STK32B: variants seen among roughly 807,000 people sequenced by gnomAD.
STK32B encodes serine/threonine kinase 32B, also known as serine/threonine-protein kinase 32B.
A neutral mutation model predicts 52.6 loss-of-function variants in STK32B; 43 were observed. That is an observed-to-expected ratio of 0.82 (90% confidence interval 0.64 to 1.05). STK32B has a LOEUF of 1.05. Among genes scored for constraint, STK32B ranks in the 50% least tolerant of loss-of-function variants. The pLI is 0.00. For synonymous variants in STK32B, 238 were observed against 204.3 expected, an observed-to-expected ratio of 1.17 and a Z score of -1.41; for missense variants, 621 against 534.6, an observed-to-expected ratio of 1.16 and a Z score of -1.59.
chr4:5,270,450 C>T (rs945394323), intron 3 of STK32B, among the ~76,000 whole-genome samples: 2 of 152,126 alleles, frequency 1.3e-5, no homozygotes, highest in Non-Finnish European at 2.9e-5. Flanking sequence ...GGTGGGTCTG[C>T]CTTTCCCAGT....
At chr4:5,367,625 T>C (rs1299038901) in intron 4 of STK32B, among the ~76,000 whole-genome samples, 2 of 152,210 alleles carry the variant, frequency 1.3e-5, no homozygotes, top group Non-Finnish European at 2.9e-5. Flanking sequence ...CCCATAGGGC[T>C]GCTAAACCCT....
chr4:5,316,664 ATATT>A (rs1406547200), intron 3 of STK32B, among the ~76,000 whole-genome samples: 696 of 9,290 alleles, frequency 0.075, 145 homozygotes, highest in Non-Finnish European at 0.08. Context: ...TATATAATAT[ATATT>A]ATATATATAA....
At chr4:5,381,673 A>T (rs1453845017) in intron 4 of STK32B, among the ~76,000 whole-genome samples, 1 of 152,152 alleles carries the variant, frequency 6.6e-6, no homozygotes, top group Non-Finnish European at 1.5e-5. Context: ...ATTATTTGTA[A>T]TACATTTCTT....
At chr4:5,366,557 G>C (rs559180588) in intron 4 of STK32B, among the ~76,000 whole-genome samples, 8 of 152,332 alleles carry the variant, frequency 5.3e-5, no homozygotes, top group Non-Finnish European at 1.0e-4. Flanking sequence ...CAACACCCAT[G>C]AGGGAAAAAT....
At chr4:5,178,056 C>T (rs529800363) in intron 3 of STK32B, among the ~76,000 whole-genome samples, 8 of 152,236 alleles carry the variant, frequency 5.3e-5, no homozygotes, top group South Asian at 2.1e-4. Context: ...AGTGGGGACT[C>T]TGTGTGGGGG....
At chr4:5,212,484 G>A (rs1403362131) in intron 3 of STK32B, among the ~76,000 whole-genome samples, 3 of 152,156 alleles carry the variant, frequency 2.0e-5, no homozygotes, top group Admixed American at 6.6e-5. Context: ...TGAAGGGTAC[G>A]AAAACCGGAG....
chr4:5,114,368 C>T (rs572562244), intron 1 of STK32B, among the ~76,000 whole-genome samples: 17 of 152,070 alleles, frequency 1.1e-4, no homozygotes, highest in African/African-American at 3.9e-4. Flanking sequence ...TATTTCCTCC[C>T]ATAAAACATC....
At chr4:5,050,151 T>C (rs1312375114), upstream of STK32B, among the ~76,000 whole-genome samples, 1 of 152,206 alleles carries the variant, frequency 6.6e-6, no homozygotes, top group Non-Finnish European at 1.5e-5. Context: ...GGCTACTCAG[T>C]GTATGCTTGT....
chr4:5,432,730 A>G (rs1463701913), intron 6 of STK32B, among the ~76,000 whole-genome samples: 3 of 152,156 alleles, frequency 2.0e-5, no homozygotes, highest in Non-Finnish European at 4.4e-5. Flanking sequence ...AAAAGCTTGA[A>G]CTTCATTCAT....
chr4:5,478,902 A>G (rs763681097), intron 11 of STK32B, among the ~76,000 whole-genome samples: 3 of 152,124 alleles, frequency 2.0e-5, no homozygotes, highest in Non-Finnish European at 4.4e-5. Flanking sequence ...CTTGCTCTCT[A>G]TGATTTCTGC....
In STK32B at chr4:5,337,145, ATT is replaced by A. The variant is rs55790354; in HGVS notation, c.434+5765_434+5766del. Reference sequence around the variant, plus strand: ...AAGCACACACCACCATCCCTGGCCAATTTTTTTTTTTTTTGTATTTTTTTGTA... The same window carrying A: ...AAGCACACACCACCATCCCTGGCCAATTTTTTTTTTTTGTATTTTTTTGTA... On this transcript the variant is annotated intron_variant, in intron 4 of 11. Transcript: ENST00000282908. Among the ~76,000 whole-genome samples the A allele has an allele frequency of 3.2e-3, 462 of 142,858 alleles. 2 individuals are homozygous for A. Among genetic ancestry groups the A allele is most frequent in the East Asian group, 7.1e-3 (35 of 4,924 alleles). 93.7% of individuals were successfully genotyped at this position (142,858 alleles called of 152,430 possible).
chr4:5,383,562 G>T (rs1337226478), intron 4 of STK32B, among the ~76,000 whole-genome samples: 2 of 152,196 alleles, frequency 1.3e-5, no homozygotes, highest in Non-Finnish European at 2.9e-5. Context: ...TCAATCCTCA[G>T]GAGGCATTGG....
chr4:5,450,496 C>T (rs916546983), intron 7 of STK32B, among the ~76,000 whole-genome samples: 5 of 152,178 alleles, frequency 3.3e-5, no homozygotes, highest in African/African-American at 1.2e-4. Flanking sequence ...TCTTGAACAG[C>T]TGTAATGGCT....
intron 1 of STK32B, among the ~76,000 whole-genome samples, chr4:5,122,998 G>T (rs1306926405): frequency 6.6e-6 from 1 of 152,084 alleles, no homozygotes; most frequent in Non-Finnish European, 1.5e-5. Context: ...TGGCTGTGGA[G>T]CCCAAATCCC....
rs544850424 is a variant in STK32B at position 5,388,190 on chromosome 4, G to A, written c.435-10017G>A. Reference sequence around the variant, plus strand: ...AAATCACAGTATGGGAAGGGGCTTTGTGAACTGCAAAACTGCACAAATGTG... The same window carrying A: ...AAATCACAGTATGGGAAGGGGCTTTATGAACTGCAAAACTGCACAAATGTG... On this transcript the variant is annotated intron_variant, in intron 4 of 11. Coordinates refer to ENST00000282908, the MANE Select transcript of STK32B (RefSeq NM_018401.3). Among the ~76,000 whole-genome samples the A allele has an allele frequency of 1.1e-4, 16 of 152,324 alleles. No homozygotes were observed. In the East Asian group the frequency reaches 2.9e-3, roughly 28 times the overall value.
intron 3 of STK32B, among the ~76,000 whole-genome samples, chr4:5,223,258 CAG>C (rs1723652192): frequency 1.3e-5 from 2 of 152,194 alleles, no homozygotes; most frequent in African/African-American, 2.4e-5. Context: ...AAGAATGTCT[CAG>C]AGTCCTGAGA....
At chr4:5,406,442 G>A (rs1480086451) in intron 5 of STK32B, among the ~76,000 whole-genome samples, 1 of 152,102 alleles carries the variant, frequency 6.6e-6, no homozygotes, top group African/African-American at 2.4e-5. Context: ...GACTTTCTGT[G>A]GGGGCTCCAA....
At chr4:5,054,572 A>C (rs1004795674) in intron 1 of STK32B, among the ~76,000 whole-genome samples, 8 of 152,178 alleles carry the variant, frequency 5.3e-5, no homozygotes, top group African/African-American at 1.9e-4. Flanking sequence ...GAAAGGCACA[A>C]AAGATGAACC....
chr4:5,084,660 G>C (rs901454457), intron 1 of STK32B, among the ~76,000 whole-genome samples: 10 of 152,190 alleles, frequency 6.6e-5, no homozygotes, highest in African/African-American at 2.4e-4. Flanking sequence ...AAATATTTCT[G>C]TGCTAAGAAC....
Sources: gnomAD v4.1 joint callset for allele counts (sites outside exome capture counted in the v4.1 genomes callset) on GRCh38, gnomAD v4.1.1 for gene constraint, MANE v1.5 for transcripts, NCBI Gene and HGNC (gene_info 2026-07-23, HGNC 2026-07-21) for gene names.